SAMD3: variants seen among roughly 807,000 people sequenced by gnomAD.
SAMD3 encodes sterile alpha motif domain-containing protein 3.
Under a neutral mutation model 58.5 loss-of-function variants are expected in SAMD3, and 63 were observed. That is an observed-to-expected ratio of 1.08 (90% confidence interval 0.88 to 1.33). The LOEUF (loss-of-function observed/expected upper bound fraction) is 1.33, where lower values mean the gene tolerates loss of function less well. Ranked by LOEUF, SAMD3 falls within the 40% of genes most tolerant of loss-of-function variation. The pLI, the probability that SAMD3 is intolerant of heterozygous loss-of-function variation, is 0.00. For missense variants in SAMD3, 604 were observed against 608.4 expected, an observed-to-expected ratio of 0.99 and a Z score of 0.08; for synonymous variants, 220 against 210.3, an observed-to-expected ratio of 1.05 and a Z score of -0.40.
At chr6:130,309,309 T>C (rs529601534) in intron 2 of SAMD3, among the ~76,000 whole-genome samples, 2 of 152,344 alleles carry the variant, frequency 1.3e-5, no homozygotes, top group South Asian at 4.1e-4. Context: ...CTCTAGCTTG[T>C]ATGACTTTCA....
rs1434464294 is a variant in SAMD3, at chr6:130,159,011, C to G, written c.823-3986G>C. On this transcript the variant is annotated intron_variant, in intron 8 of 11. Transcript: ENST00000439090. ...AGTTATATCCCAATGCAAATGAAGA[C>G]TAGGCCTGCTACCAGTCTGACTGGT... Among the ~76,000 whole-genome samples, 3 of 152,166 alleles carry G rather than the reference C, an allele frequency of 2.0e-5. No individual in the cohort carries two copies. The East Asian group carries it at 5.8e-4, about 29-fold the overall frequency.
At chr6:130,256,767 T>G (rs1773940404) in intron 2 of SAMD3, among the ~76,000 whole-genome samples, 1 of 152,230 alleles carries the variant, frequency 6.6e-6, no homozygotes. Flanking sequence ...AAACTTATTT[T>G]AAACATCAAA....
chr6:130,343,974 C>CAAACAAACA (rs10686988), intron 1 of SAMD3, among the ~76,000 whole-genome samples: 1 of 146,694 alleles, frequency 6.8e-6, no homozygotes, highest in African/African-American at 2.5e-5. Context: ...TAAAAACAAA[C>CAAACAAACA]AAAAAAAAAA....
intron 5 of SAMD3, among the ~76,000 whole-genome samples, chr6:130,191,284 G>A (rs541807514): frequency 9.7e-4 from 147 of 152,232 alleles, no homozygotes; most frequent in African/African-American, 3.0e-3. Flanking sequence ...TCCCTGAGAG[G>A]AGAGTTACTG....
intron 2 of SAMD3, among the ~76,000 whole-genome samples, chr6:130,308,435 ATTC>A (rs1562513312): frequency 1.7e-4 from 22 of 129,698 alleles, no homozygotes; most frequent in Non-Finnish European, 3.1e-4. Flanking sequence ...ATTCTATTCT[ATTC>A]TTTTGTGTGT....
At chr6:130,256,521 G>A (rs747725354) in intron 2 of SAMD3, among the ~76,000 whole-genome samples, 6 of 152,074 alleles carry the variant, frequency 3.9e-5, no homozygotes, top group Non-Finnish European at 5.9e-5. Context: ...GATTCTTCTT[G>A]GAAGCAATTT....
rs1276114534 is a variant in SAMD3 at position 130,203,116 on chromosome 6, C to G, written c.383+6379G>C. 2.0e-5 allele frequency among the ~76,000 whole-genome samples: 3 copies of G among 152,352 alleles called. No individual in the cohort carries two copies. In the East Asian group the frequency reaches 5.8e-4, roughly 29 times the overall value. ...TGAGTCCTGGGAAGGCTTCCAGACA[C>G]TGCTGGCCTACCTGCACTTCCTAGA... On this transcript the variant is annotated intron_variant, in intron 5 of 11. Coordinates refer to ENST00000439090, the MANE Select transcript of SAMD3 (RefSeq NM_001017373.4).
At chr6:130,199,726 C>A (rs139084757) in intron 5 of SAMD3, among the ~76,000 whole-genome samples, 2 of 152,152 alleles carry the variant, frequency 1.3e-5, no homozygotes, top group African/African-American at 4.8e-5. Flanking sequence ...AGATATTGAA[C>A]AATGTCACTT....
intron 1 of SAMD3, among the ~76,000 whole-genome samples, chr6:130,328,296 C>T (rs1412999068): frequency 1.3e-5 from 2 of 152,142 alleles, no homozygotes; most frequent in Non-Finnish European, 2.9e-5. Context: ...CTGGTTTTGG[C>T]CAAACAACAG....
intron 2 of SAMD3, among the ~76,000 whole-genome samples, chr6:130,272,053 A>G (rs1774583692): frequency 6.6e-6 from 1 of 152,288 alleles, no homozygotes; most frequent in Middle Eastern, 3.4e-3. Flanking sequence ...TTTGCATTTT[A>G]TTGAGTTTTA....
upstream of SAMD3, chr6:130,365,477 A>T (rs1778112142): frequency 2.0e-6 from 2 of 984,712 alleles, no homozygotes; most frequent in African/African-American, 1.8e-5. Flanking sequence ...CGCCAGGGGG[A>T]CCCCGGCCCG....
chr6:130,346,827 C>T (rs1271435364), intron 1 of SAMD3, among the ~76,000 whole-genome samples: 1 of 152,178 alleles, frequency 6.6e-6, no homozygotes, highest in Non-Finnish European at 1.5e-5. Context: ...GGAGGCACCC[C>T]CCCAGTAGGG....
chr6:130,169,826 G>A lies in SAMD3; in HGVS notation c.822+6015C>T, dbSNP rs74634281. ...CCAGGGGTGTGACCTCTTATCCCGC[G>A]GACTGACCCTTGAGTTCTAAGGCTG... On this transcript the variant is annotated intron_variant, in intron 8 of 11. Transcript: ENST00000439090. Among the ~76,000 whole-genome samples the A allele has an allele frequency of 7.8e-3, 1,192 of 152,192 alleles. 24 individuals carry two copies. Among genetic ancestry groups the A allele is most frequent in the African/African-American group, 0.027 (1,113 of 41,500 alleles).
chr6:130,263,850 TCTTGCCCCC>T (rs1208844390), intron 2 of SAMD3, among the ~76,000 whole-genome samples: 8 of 151,880 alleles, frequency 5.3e-5, no homozygotes. Flanking sequence ...CGACCAGGAG[TCTTGCCCCC>T]CGATGTAGAG....
At chr6:130,170,163 G>A (rs148561573) in intron 8 of SAMD3, among the ~76,000 whole-genome samples, 295 of 152,268 alleles carry the variant, frequency 1.9e-3, no homozygotes, top group African/African-American at 6.5e-3. Flanking sequence ...AGACCCACAT[G>A]TATTAGGTGT....
chr6:130,149,858 T>G (rs1451992952), intron 9 of SAMD3, among the ~76,000 whole-genome samples: 2 of 152,182 alleles, frequency 1.3e-5, no homozygotes, highest in African/African-American at 4.8e-5. Context: ...TATCCCCTGC[T>G]GAACCTAAAA....
At chr6:130,342,507 A>G (rs573049748) in intron 1 of SAMD3, among the ~76,000 whole-genome samples, 6 of 152,050 alleles carry the variant, frequency 3.9e-5, no homozygotes, top group Non-Finnish European at 7.4e-5. Context: ...TCTCTTTAAA[A>G]CTCACTTTAG....
chr6:130,266,718 GTAGT>G (rs1420994308), intron 2 of SAMD3, among the ~76,000 whole-genome samples: 1 of 152,160 alleles, frequency 6.6e-6, no homozygotes, highest in Non-Finnish European at 1.5e-5. Flanking sequence ...CAGTAGGCAG[GTAGT>G]TGTGTTATTG....
chr6:130,221,515 A>G (rs1462610991), intron 1 of SAMD3: 2 of 152,236 alleles, frequency 1.3e-5, no homozygotes, highest in Non-Finnish European at 2.9e-5. Context: ...AACATAGACA[A>G]TTAACACATA....
Sources: gnomAD v4.1 joint callset for allele counts (sites outside exome capture counted in the v4.1 genomes callset) on GRCh38, gnomAD v4.1.1 for gene constraint, MANE v1.5 for transcripts, NCBI Gene and HGNC (gene_info 2026-07-23, HGNC 2026-07-21) for gene names.